Variants in UCHL3 observed in about 807,000 individuals in gnomAD.
The protein encoded by UCHL3 is ubiquitin carboxyl-terminal hydrolase isozyme L3.
A neutral mutation model predicts 35.8 loss-of-function variants in UCHL3; 22 were observed. The ratio of observed to expected loss-of-function variants is 0.61; its 90% CI spans 0.44 to 0.88. The LOEUF (loss-of-function observed/expected upper bound fraction) is 0.88. Among genes scored for constraint, UCHL3 ranks in the 40% least tolerant of loss-of-function variants. UCHL3 has a pLI of 0.00. For missense variants in UCHL3, 229 were observed against 276.9 expected (o/e 0.83, Z 1.23); for synonymous variants, 90 against 92.8 (o/e 0.97, Z 0.17).
At chr13:75,589,852 C>G in intron 6 of UCHL3, 1 of 1,044,528 alleles carries the variant, frequency 9.6e-7, no homozygotes, top group Non-Finnish European at 1.3e-6. Flanking sequence ...ATATGAATTA[C>G]AAGCATGACC....
chr13:75,587,415 G>C (rs929033230), intron 6 of UCHL3, among the ~76,000 whole-genome samples: 1 of 151,944 alleles, frequency 6.6e-6, no homozygotes, highest in Non-Finnish European at 1.5e-5. Context: ...TTAAAATATG[G>C]GAGATTAGGA....
intron 6 of UCHL3, among the ~76,000 whole-genome samples, chr13:75,594,060 A>G (rs1416452772): frequency 6.6e-6 from 1 of 152,242 alleles, no homozygotes. Context: ...GATTTGATGT[A>G]TAGCTAACTC....
intron 2 of UCHL3, among the ~76,000 whole-genome samples, chr13:75,550,273 T>G (rs2031037721): frequency 6.6e-6 from 1 of 152,192 alleles, no homozygotes; most frequent in Non-Finnish European, 1.5e-5. Context: ...TGTATTCCTA[T>G]TCCCCTTCCT....
chr13:75,569,566 C>G (rs761800362), intron 6 of UCHL3, 59 bp downstream of exon 6: 8 of 1,478,158 alleles, frequency 5.4e-6, no homozygotes, highest in Non-Finnish European at 7.4e-6. Flanking sequence ...AAATTTCTTG[C>G]TGTAAATTTA....
At chr13:75,549,506 G>C (rs1416235745), upstream of UCHL3, 2 of 360,924 alleles carry the variant, frequency 5.5e-6, no homozygotes, top group South Asian at 1.1e-4. Context: ...GCGAGCGCTC[G>C]GCAAGGCTCG....
Position 75,592,448 on chromosome 13 carries a change from A to ACATATATATATATATGTATATATG in UCHL3, c.475-2467_475-2466insCATATATATATATATGTATATATG, listed in dbSNP as rs74201049. ...TATATATATATATATATATATATAT[A>ACATATATATATATATGTATATATG]TATATATATATATATATATGAAGGA... On this transcript the variant is annotated intron_variant, in intron 6 of 8. Transcript: ENST00000377595. Among the ~76,000 whole-genome samples, 48 of 116,636 alleles carry ACATATATATATATATGTATATATG rather than the reference A, an allele frequency of 4.1e-4. 1 individual carries two copies. Among genetic ancestry groups the ACATATATATATATATGTATATATG allele is most frequent in the East Asian group, 1.2e-3 (5 of 4,156 alleles). The allele number at this position is 116,636 out of a possible 152,430, so 76.5% of individuals were successfully genotyped here. A position where few individuals can be genotyped will look rare whatever the true frequency, so the allele number is the denominator to read the frequency against.
intron 6 of UCHL3, among the ~76,000 whole-genome samples, chr13:75,581,456 C>G (rs1257076716): frequency 2.7e-5 from 4 of 150,900 alleles, no homozygotes; most frequent in Non-Finnish European, 5.9e-5. Context: ...CTCAAACCAT[C>G]CTTCCACCTC....
chr13:75,588,759 G>T (rs956322999), intron 6 of UCHL3, among the ~76,000 whole-genome samples: 8 of 152,018 alleles, frequency 5.3e-5, no homozygotes, highest in African/African-American at 1.9e-4. Flanking sequence ...GGTTGTTACG[G>T]TTAGCAAAAT....
chr13:75,585,024 C>A lies in UCHL3; in HGVS notation c.475-9891C>A, dbSNP rs2138542210. 2.0e-5 allele frequency among the ~76,000 whole-genome samples: 3 copies of A among 151,854 alleles called. No homozygotes were observed. In the South Asian group the frequency reaches 6.2e-4, roughly 32 times the overall value. The stretch of plus-strand genomic sequence containing the variant: ...GTGATGTAATATGTGAAAATGGAAT[C>A]CCAGAAGGAGAAGAGAGATGGAAAG... On this transcript the variant is annotated intron_variant, in intron 6 of 8. Coordinates refer to ENST00000377595, the MANE Select transcript of UCHL3 (RefSeq NM_006002.5).
intron 6 of UCHL3, chr13:75,590,132 A>C: frequency 7.7e-7 from 1 of 1,300,438 alleles, no homozygotes; most frequent in Non-Finnish European, 1.0e-6. Flanking sequence ...ATTCTGTTGT[A>C]AGTTTAGTCA....
chr13:75,556,921 T>A (rs1408590090), intron 2 of UCHL3, among the ~76,000 whole-genome samples: 1 of 152,330 alleles, frequency 6.6e-6, no homozygotes, highest in Non-Finnish European at 1.5e-5. Flanking sequence ...TCTTATTGGC[T>A]GGTAAAAGGA....
In UCHL3 at chr13:75,592,435, T is replaced by TACATATATAC. The variant is rs749370546; in HGVS notation, c.475-2479_475-2478insCATATATACA. Among the ~76,000 whole-genome samples, 6 of 98,758 alleles carry TACATATATAC rather than the reference T, an allele frequency of 6.1e-5. 1 individual carries two copies. The highest frequency in any genetic ancestry group is 8.2e-5 in the Non-Finnish European group (4 of 48,580). The allele number at this position is 98,758 out of a possible 152,430, so 64.8% of individuals were successfully genotyped here. A position where few individuals can be genotyped will look rare whatever the true frequency, so the allele number is the denominator to read the frequency against. ...TCCTTCATATATATATATATATATA[T>TACATATATAC]ATATATATATATATATATATATATA... On this transcript the variant is annotated intron_variant, in intron 6 of 8. Transcript: ENST00000377595.
At position 75,604,499 on chromosome 13, in the gene UCHL3, C is replaced by G. The variant is rs138290692; in HGVS notation, c.551-270C>G. 239 of 310,840 alleles carry G rather than the reference C, an allele frequency of 7.7e-4. 1 individual carries two copies. Among genetic ancestry groups the G allele is most frequent in the African/African-American group, 4.6e-3 (215 of 46,706 alleles). The allele number at this position is 310,840 out of a possible 1,614,324, so 19.3% of individuals were successfully genotyped here. On this transcript the variant is annotated intron_variant, in intron 7 of 8. Coordinates refer to ENST00000377595, the MANE Select transcript of UCHL3 (RefSeq NM_006002.5). ...TTTTAAAAAACTGACAATAATTTTGCGTATTATTTTCAGGAAACGAAAGCC... is the reference window on the plus strand; with the variant it reads ...TTTTAAAAAACTGACAATAATTTTGGGTATTATTTTCAGGAAACGAAAGCC...
intron 6 of UCHL3, among the ~76,000 whole-genome samples, chr13:75,578,582 G>A (rs1291249650): frequency 1.3e-5 from 2 of 152,068 alleles, no homozygotes; most frequent in Non-Finnish European, 1.5e-5. Context: ...TCGCTTGCCA[G>A]TATTGAATTC....
In UCHL3 at chr13:75,595,026, T is replaced by C. The variant is rs966800875; in HGVS notation, c.550+36T>C. ...TTTTAATTTGTCCTGGGGAGAGAAA[T>C]GGTAAATGGGAAAGTCTCTACTTAT... is the stretch of plus-strand genomic sequence containing the variant. On this transcript the variant is annotated intron_variant, in intron 7 of 8. Transcript: ENST00000377595. 8 of 1,473,222 alleles carry C rather than the reference T, an allele frequency of 5.4e-6. No homozygotes were observed. In the Admixed American group the frequency reaches 1.6e-4, roughly 29 times the overall value. 91.3% of individuals were successfully genotyped at this position (1,473,222 alleles called of 1,614,324 possible).
intron 6 of UCHL3, among the ~76,000 whole-genome samples, chr13:75,577,040 A>G (rs957393189): frequency 3.3e-5 from 5 of 152,270 alleles, no homozygotes; most frequent in African/African-American, 1.2e-4. Flanking sequence ...GCTTGAGGCC[A>G]GGAGTTTGAG....
intron 6 of UCHL3, among the ~76,000 whole-genome samples, chr13:75,574,545 G>A (rs1383472706): frequency 6.6e-6 from 1 of 152,124 alleles, no homozygotes; most frequent in Non-Finnish European, 1.5e-5. Context: ...ATTAGCTTAG[G>A]CAGGATACTT....
At position 75,592,427 on chromosome 13, in the gene UCHL3, T is replaced by TATGTATATACGTATATAC. The variant is rs1342558860; in HGVS notation, c.475-2486_475-2485insGTATATACGTATATACAT. The stretch of plus-strand genomic sequence containing the variant: ...TTAATTTTTCCTTCATATATATATA[T>TATGTATATACGTATATAC]ATATATATATATATATATATATATA... On this transcript the variant is annotated intron_variant, in intron 6 of 8. Transcript: ENST00000377595. Among the ~76,000 whole-genome samples, 35 of 72,380 alleles carry TATGTATATACGTATATAC rather than the reference T, an allele frequency of 4.8e-4. 1 individual carries two copies. The highest frequency in any genetic ancestry group is 1.0e-3 in the South Asian group (2 of 1,918). 47.5% of individuals were successfully genotyped at this position (72,380 alleles called of 152,430 possible).
chr13:75,570,003 C>G (rs1183507960), intron 6 of UCHL3, among the ~76,000 whole-genome samples: 1 of 152,164 alleles, frequency 6.6e-6, no homozygotes, highest in Non-Finnish European at 1.5e-5. Context: ...TCCTTTCCTT[C>G]TCTTGCCTCT....
Sources: allele counts gnomAD v4.1 joint callset (sites outside exome capture counted in the v4.1 genomes callset), GRCh38; gene constraint gnomAD v4.1.1; transcripts MANE v1.5; gene names NCBI Gene and HGNC (gene_info 2026-07-23, HGNC 2026-07-21).